The following GAREM1 variants were observed in gnomAD, a reference collection of about 807,000 sequenced individuals.
GAREM1 encodes the protein GRB2-associated and regulator of MAPK protein 1.
In GAREM1, 26 loss-of-function variants were observed where a neutral mutation model predicts 71.3. The observed-to-expected ratio is 0.36, with a 90% CI of 0.27 to 0.51. The LOEUF (loss-of-function observed/expected upper bound fraction) is 0.51. Among genes scored for constraint, GAREM1 ranks in the 20% least tolerant of loss-of-function variants. The pLI, the probability that GAREM1 is intolerant of heterozygous loss-of-function variation, is 0.95. For missense variants in GAREM1, 1,026 were observed against 1,103.1 expected (o/e 0.93, Z 0.99); for synonymous variants, 440 against 433.2 (o/e 1.02, Z -0.20).
At chr18:32,350,746 C>T (rs539957410) in intron 2 of GAREM1, among the ~76,000 whole-genome samples, 55 of 152,260 alleles carry the variant, frequency 3.6e-4, no homozygotes, top group African/African-American at 1.2e-3. Flanking sequence ...TTCATTTCTA[C>T]TGTAGAAACA....
At position 32,364,028 on chromosome 18, in the gene GAREM1, G is replaced by GTTTTTTTTTTTTTTTT. The variant is rs1157200391; in HGVS notation, c.262+28851_262+28866dup. On this transcript the variant is annotated intron_variant, in intron 2 of 5. Transcript: ENST00000269209. ...TATATATATATATATATATATATATGTTTTTTTTTTTTTTTTTTTTTTGTG... is the reference window on the plus strand; with the variant it reads ...TATATATATATATATATATATATATGTTTTTTTTTTTTTTTTTTTTTTTTTTTTTTTTTTTTTTGTG... Among the ~76,000 whole-genome samples the GTTTTTTTTTTTTTTTT allele has an allele frequency of 8.4e-3, 182 of 21,646 alleles. 20 individuals are homozygous for GTTTTTTTTTTTTTTTT. Among genetic ancestry groups the GTTTTTTTTTTTTTTTT allele is most frequent in the African/African-American group, 0.026 (147 of 5,596 alleles). The allele number at this position is 21,646 out of a possible 152,430, so 14.2% of individuals were successfully genotyped here.
At position 32,267,673 on chromosome 18, in the gene GAREM1, G is replaced by A; in HGVS notation, c.*198C>T. 1 of 529,610 alleles carries A rather than the reference G, an allele frequency of 1.9e-6. No homozygotes were observed. The highest frequency in any genetic ancestry group is 3.1e-5 in the South Asian group (1 of 32,156). The allele number at this position is 529,610 out of a possible 1,614,324, so 32.8% of individuals were successfully genotyped here. Reference sequence around the variant, plus strand: ...AGTGACGTACAAGGCACACCTCCAAGTGTTCTGTACAGCATTTTTATTGAT... The same window carrying A: ...AGTGACGTACAAGGCACACCTCCAAATGTTCTGTACAGCATTTTTATTGAT... On this transcript the variant is annotated 3_prime_UTR_variant, in exon 6 of 6. Coordinates refer to ENST00000269209, the MANE Select transcript of GAREM1 (RefSeq NM_001242409.2).
chr18:32,422,241 T>C (rs1320195887), intron 1 of GAREM1, among the ~76,000 whole-genome samples: 1 of 152,120 alleles, frequency 6.6e-6, no homozygotes. Flanking sequence ...CATGCGGTGT[T>C]TGGTTTTTTG....
rs141705200 is a variant in GAREM1 at position 32,330,146 on chromosome 18, T to C, written c.263-19823A>G. On this transcript the variant is annotated intron_variant, in intron 2 of 5. Transcript: ENST00000269209. ...GATGGACTGTATAAAGAAAATGTGG[T>C]ACATATATACCACAGAATACTACAC... Among the ~76,000 whole-genome samples, 37 of 152,202 alleles carry C rather than the reference T, an allele frequency of 2.4e-4. 1 individual carries two copies. In the East Asian group the frequency reaches 6.9e-3, roughly 29 times the overall value.
chr18:32,271,054 C>T (rs147245609), intron 4 of GAREM1, among the ~76,000 whole-genome samples: 33 of 151,596 alleles, frequency 2.2e-4, no homozygotes, highest in East Asian at 1.2e-3. Flanking sequence ...CACAGGTGTG[C>T]GCCAGTACAC....
intron 2 of GAREM1, among the ~76,000 whole-genome samples, chr18:32,345,541 A>C (rs2047687434): frequency 6.6e-6 from 1 of 152,240 alleles, no homozygotes; most frequent in South Asian, 2.1e-4. Context: ...AAAACTTTAA[A>C]GAAGTCCTCT....
intron 3 of GAREM1, among the ~76,000 whole-genome samples, chr18:32,288,704 A>C (rs2047051603): frequency 6.6e-6 from 1 of 152,090 alleles, no homozygotes; most frequent in African/African-American, 2.4e-5. Flanking sequence ...AAAAATGAAG[A>C]ACTTCTATAC....
chr18:32,452,496 G>C (rs922663919), intron 1 of GAREM1, among the ~76,000 whole-genome samples: 6 of 152,178 alleles, frequency 3.9e-5, no homozygotes, highest in African/African-American at 1.4e-4. Flanking sequence ...AACTAGTTCA[G>C]TGATCAATTA....
chr18:32,417,022 G>GA (rs1384436079), intron 1 of GAREM1, among the ~76,000 whole-genome samples: 1 of 151,950 alleles, frequency 6.6e-6, no homozygotes. Context: ...AACTCTATAG[G>GA]AAAAAAATCT....
chr18:32,382,185 T>C (rs766989181), intron 2 of GAREM1, among the ~76,000 whole-genome samples: 3 of 152,174 alleles, frequency 2.0e-5, no homozygotes, highest in South Asian at 2.1e-4. Context: ...CTGTATGAGA[T>C]AGGACTGTCC....
intron 2 of GAREM1, among the ~76,000 whole-genome samples, chr18:32,363,653 C>T (rs928153475): frequency 1.3e-5 from 2 of 151,900 alleles, no homozygotes; most frequent in Non-Finnish European, 2.9e-5. Flanking sequence ...GATTAGAAAA[C>T]GTTTAATGAG....
chr18:32,404,442 T>C (rs555656639), intron 1 of GAREM1, among the ~76,000 whole-genome samples: 9 of 147,636 alleles, frequency 6.1e-5, no homozygotes, highest in East Asian at 3.9e-4. Flanking sequence ...CTTTCCATTC[T>C]TATGTTGCAC....
At chr18:32,301,556 T>C (rs1003531192) in intron 3 of GAREM1, among the ~76,000 whole-genome samples, 30 of 152,218 alleles carry the variant, frequency 2.0e-4, no homozygotes, top group Admixed American at 2.0e-3. Context: ...TTTTGGACTT[T>C]CAGAGCTAAT....
At position 32,377,099 on chromosome 18, in the gene GAREM1, G is replaced by A. The variant is rs79262106; in HGVS notation, c.262+15796C>T. 1.6e-4 allele frequency among the ~76,000 whole-genome samples: 25 copies of A among 152,198 alleles called. No individual in the cohort carries two copies. In the East Asian group the frequency reaches 1.9e-3, roughly 12 times the overall value. ...TTAGGCAACATATATAAGACCACAC[G>A]GCCACTAAGGAGTTGACCAGGACAA... On this transcript the variant is annotated intron_variant, in intron 2 of 5. Transcript: ENST00000269209.
chr18:32,279,632 TATATTACAATGTAATA>T (rs1270926889), intron 4 of GAREM1, among the ~76,000 whole-genome samples: 1 of 152,182 alleles, frequency 6.6e-6, no homozygotes, highest in Non-Finnish European at 1.5e-5. Flanking sequence ...TATTTCATTA[TATATTACAATGTAATA>T]ATAATAGAAA....
intron 1 of GAREM1, chr18:32,412,339 T>C (rs1013549644): frequency 2.7e-5 from 43 of 1,593,930 alleles, no homozygotes; most frequent in Non-Finnish European, 2.5e-5. Context: ...CCTCCAAAAT[T>C]TCCTCCCTTC....
intron 1 of GAREM1, among the ~76,000 whole-genome samples, chr18:32,430,776 G>A (rs1394925647): frequency 6.6e-6 from 1 of 152,228 alleles, no homozygotes; most frequent in African/African-American, 2.4e-5. Flanking sequence ...TCTGACTAGA[G>A]AAACTGTGGT....
chr18:32,410,145 T>C (rs767022976), intron 1 of GAREM1, among the ~76,000 whole-genome samples: 2 of 152,150 alleles, frequency 1.3e-5, no homozygotes, highest in Admixed American at 6.5e-5. Flanking sequence ...CAGACAGGTG[T>C]CATCTCAAGC....
At chr18:32,449,178 T>C (rs982521) in intron 1 of GAREM1, among the ~76,000 whole-genome samples, 39,465 of 151,988 alleles carry the variant, frequency 0.26, 6,632 homozygotes, top group African/African-American at 0.47. Context: ...AATGAGATAA[T>C]GTATGTAAAG....
Sources: allele counts gnomAD v4.1 joint callset (sites outside exome capture counted in the v4.1 genomes callset), GRCh38; gene constraint gnomAD v4.1.1; transcripts MANE v1.5; gene names NCBI Gene and HGNC (gene_info 2026-07-23, HGNC 2026-07-21).